NRG1: variants seen among roughly 807,000 people sequenced by gnomAD.
NRG1 encodes the protein neuregulin 1.
Under a neutral mutation model 63.8 loss-of-function variants are expected in NRG1, and 18 were observed. The observed-to-expected ratio is 0.28, with a 90% CI of 0.19 to 0.42. The LOEUF (loss-of-function observed/expected upper bound fraction) is 0.42, where lower values mean the gene tolerates loss of function less well. Among genes scored for constraint, NRG1 ranks in the 10% least tolerant of loss-of-function variants. NRG1 has a pLI of 1.00. For synonymous variants in NRG1, 302 were observed against 301.3 expected (o/e 1.00, Z -0.02); for missense variants, 762 against 814.7 (o/e 0.94, Z 0.79).
chr8:32,646,225 C>T (rs1853503130), intron 5 of NRG1, among the ~76,000 whole-genome samples: 1 of 152,154 alleles, frequency 6.6e-6, no homozygotes, highest in South Asian at 2.1e-4. Flanking sequence ...GGGCTGCCAA[C>T]CCCTCCCCTA....
At chr8:32,297,105 C>G (rs551704759) in intron 1 of NRG1, among the ~76,000 whole-genome samples, 58 of 151,928 alleles carry the variant, frequency 3.8e-4, no homozygotes, top group Non-Finnish European at 6.6e-4. Flanking sequence ...CAGAATGAGA[C>G]GCTGTCTCAA....
intron 1 of NRG1, among the ~76,000 whole-genome samples, chr8:31,872,168 G>T (rs902798237): frequency 1.3e-5 from 2 of 152,172 alleles, no homozygotes; most frequent in African/African-American, 2.4e-5. Context: ...TGGGGATGGC[G>T]AATGAACTTT....
intron 1 of NRG1, among the ~76,000 whole-genome samples, chr8:32,067,769 A>C (rs1247075995): frequency 6.6e-6 from 1 of 152,208 alleles, no homozygotes; most frequent in Non-Finnish European, 1.5e-5. Context: ...ACTATGTCTT[A>C]TATATTATCC....
intron 1 of NRG1, among the ~76,000 whole-genome samples, chr8:32,452,358 G>T (rs1821066555): frequency 6.6e-6 from 1 of 152,004 alleles, no homozygotes; most frequent in Non-Finnish European, 1.5e-5. Context: ...TTATGGAGGA[G>T]GTGACATTTG....
At chr8:32,010,322 G>A (rs985388032) in intron 1 of NRG1, among the ~76,000 whole-genome samples, 1 of 151,936 alleles carries the variant, frequency 6.6e-6, no homozygotes, top group Admixed American at 6.6e-5. Flanking sequence ...ATGCCATTAG[G>A]TTGTTTTGCA....
At position 32,045,355 on chromosome 8, in the gene NRG1, A is replaced by G. The variant is rs550479812; in HGVS notation, c.37+405924A>G. 2.6e-5 allele frequency among the ~76,000 whole-genome samples: 4 copies of G among 152,036 alleles called. No homozygotes were observed. In the South Asian group the frequency reaches 6.2e-4, roughly 24 times the overall value. On this transcript the variant is annotated intron_variant, in intron 1 of 10. Coordinates refer to the NRG1 transcript ENST00000519301. ...ATGACCTAAATGAATGGAGACATGT[A>G]CCTTGTTCATGGATTAAAACACTAA...
chr8:32,722,135 G>A, intron 5 of NRG1: 6 of 1,066,376 alleles, frequency 5.6e-6, no homozygotes, highest in Non-Finnish European at 6.8e-6. Flanking sequence ...AAATGGCGTA[G>A]AGTTATTTGG....
chr8:32,428,574 A>G (rs1817717164), intron 1 of NRG1, among the ~76,000 whole-genome samples: 1 of 152,130 alleles, frequency 6.6e-6, no homozygotes, highest in Non-Finnish European at 1.5e-5. Flanking sequence ...GTGTGAAGGG[A>G]GGACACCCTT....
intron 5 of NRG1, among the ~76,000 whole-genome samples, chr8:32,675,815 TGTTA>T (rs753417712): frequency 1.3e-4 from 20 of 152,276 alleles, no homozygotes; most frequent in Non-Finnish European, 2.5e-4. Context: ...TGGTAAAATA[TGTTA>T]GTTTATTAAT....
chr8:31,952,049 AT>A (rs1221242719), intron 1 of NRG1, among the ~76,000 whole-genome samples: 3 of 152,164 alleles, frequency 2.0e-5, no homozygotes, highest in African/African-American at 4.8e-5. Flanking sequence ...AACTTTCAGA[AT>A]CTAAGTTGAT....
rs189611162 is a variant in NRG1, at chr8:32,223,413, T to A, written c.38-372415T>A. Among the ~76,000 whole-genome samples the A allele has an allele frequency of 2.3e-3, 347 of 152,278 alleles. 4 individuals are homozygous for A. The highest frequency in any genetic ancestry group is 7.8e-3 in the African/African-American group (325 of 41,564). On this transcript the variant is annotated intron_variant, in intron 1 of 10. Coordinates refer to the NRG1 transcript ENST00000519301. ...CCTGCATTTTTTGGTTTTATATTAG[T>A]TTTTTTAGGTGATGCTATTCAATGG...
chr8:32,154,578 T>C (rs1837855608), intron 1 of NRG1, among the ~76,000 whole-genome samples: 1 of 152,148 alleles, frequency 6.6e-6, no homozygotes, highest in Non-Finnish European at 1.5e-5. Flanking sequence ...TTCTTACTAG[T>C]TTCCACCCAT....
intron 1 of NRG1, among the ~76,000 whole-genome samples, chr8:32,079,378 C>T (rs920518157): frequency 3.3e-5 from 5 of 152,060 alleles, no homozygotes; most frequent in African/African-American, 9.7e-5. Context: ...CCAGGTACTG[C>T]AAAACTTTAC....
intron 1 of NRG1, among the ~76,000 whole-genome samples, chr8:31,883,698 T>C (rs1830519911): frequency 6.6e-6 from 1 of 152,094 alleles, no homozygotes; most frequent in Admixed American, 6.6e-5. Context: ...TGCTGTTCAG[T>C]TGGTTGGAGG....
chr8:32,698,691 G>GGAA lies in NRG1; in HGVS notation c.503-29254_503-29252dup, dbSNP rs1814031183. ...GGATGGCCTTAGCACCAGTGCTTGG[G>GGAA]GAAGAATGGCTCACATCCTCTATGG... On this transcript the variant is annotated intron_variant, in intron 5 of 11. Transcript: ENST00000356819. Among the ~76,000 whole-genome samples, 4 of 152,264 alleles carry GGAA rather than the reference G, an allele frequency of 2.6e-5. No individual in the cohort carries two copies. The South Asian group carries it at 8.3e-4, about 32-fold the overall frequency.
chr8:31,819,276 A>G (rs1002904639), intron 1 of NRG1, among the ~76,000 whole-genome samples: 1 of 152,132 alleles, frequency 6.6e-6, no homozygotes, highest in African/African-American at 2.4e-5. Flanking sequence ...TTATTTGGTG[A>G]TTCAAGTATA....
chr8:32,192,262 A>G (rs1377939387), intron 1 of NRG1: 1 of 152,342 alleles, frequency 6.6e-6, no homozygotes, highest in Non-Finnish European at 1.5e-5. Context: ...AAAAAAGCAC[A>G]GATTGTTCTA....
At chr8:31,722,845 A>G (rs1563329296) in intron 1 of NRG1, among the ~76,000 whole-genome samples, 1 of 152,172 alleles carries the variant, frequency 6.6e-6, no homozygotes. Flanking sequence ...ATAGTTAAAA[A>G]TGTTAAATTT....
At chr8:32,248,040 G>A (rs995588833) in intron 1 of NRG1, among the ~76,000 whole-genome samples, 17 of 152,134 alleles carry the variant, frequency 1.1e-4, no homozygotes, top group South Asian at 4.1e-4. Context: ...TCCCACAAGC[G>A]TTTTACAACT....
Sources: allele counts gnomAD v4.1 joint callset (sites outside exome capture counted in the v4.1 genomes callset), GRCh38; gene constraint gnomAD v4.1.1; transcripts MANE v1.5; gene names NCBI Gene and HGNC (gene_info 2026-07-23, HGNC 2026-07-21).